The following RNF213 variants were observed in gnomAD, a reference collection of about 807,000 sequenced individuals.
The protein encoded by RNF213 is E3 ubiquitin-protein ligase RNF213.
Under a neutral mutation model 514.4 loss-of-function variants are expected in RNF213, and 341 were observed. That is an observed-to-expected ratio of 0.66 (90% CI 0.61 to 0.73). The LOEUF is 0.73. Among genes scored for constraint, RNF213 ranks in the 30% least tolerant of loss-of-function variants. The pLI is 0.00. For missense variants in RNF213, 5,767 were observed against 6,615.6 expected (o/e 0.87, Z 4.45); for synonymous variants, 2,655 against 2,658.2 (o/e 1.00, Z 0.04).
At chr17:80,295,491 A>G (rs2044902173) in intron 9 of RNF213, 66 bp from the exon 10 acceptor site, 1 of 1,604,186 alleles carries the variant, frequency 6.2e-7, no homozygotes, top group East Asian at 2.2e-5. Context: ...GTGCTGGGGC[A>G]GCTCTGGACA....
intron 61 of RNF213, 107 bp downstream of exon 61, chr17:80,385,728 T>C: frequency 1.1e-6 from 1 of 931,160 alleles, no homozygotes; most frequent in South Asian, 1.4e-5. Context: ...CAGCACTGTG[T>C]TTGTTTGTTT....
Position 80,393,576 on chromosome 17 carries a change from T to G in RNF213, c.*78T>G, listed in dbSNP as rs1209889617. 4 of 1,487,572 alleles carry G rather than the reference T, an allele frequency of 2.7e-6. No individual in the cohort carries two copies. The African/African-American group carries it at 5.5e-5, about 21-fold the overall frequency. The allele number at this position is 1,487,572 out of a possible 1,614,324, so 92.1% of individuals were successfully genotyped here. ...CTCGTCTGCGGCGTGGACTTGATCATGGACTGGTGCCTTTGCATTCAGAAG... is the reference window on the plus strand; with the variant it reads ...CTCGTCTGCGGCGTGGACTTGATCAGGGACTGGTGCCTTTGCATTCAGAAG... On this transcript the variant is annotated 3_prime_UTR_variant, in exon 68 of 68. Coordinates refer to ENST00000582970, the MANE Select transcript of RNF213 (RefSeq NM_001256071.3).
chr17:80,346,312 A>G lies in RNF213; in HGVS notation c.7977A>G (p.Leu2659=), dbSNP rs1300065657. 1 of 1,614,072 alleles carries G rather than the reference A, an allele frequency of 6.2e-7. No individual in the cohort carries two copies. Among genetic ancestry groups the G allele is most frequent in the Non-Finnish European group, 8.5e-7 (1 of 1,180,038 alleles). The part of the protein sequence containing the change: ...RWFHEHSAML[L]AQLNAFLSKS... The stretch of plus-strand genomic sequence containing the variant: ...TCCACGAGCACAGCGCGATGCTCTT[A>G]GCGCAGCTGAATGCCTTTCTCTCCA... Residue 2659 remains leucine, a synonymous_variant, in exon 29 of 68, where the codon TTA becomes TTG. Coordinates refer to ENST00000582970, the MANE Select transcript of RNF213 (RefSeq NM_001256071.3). The surrounding 1 kb of genome is among the most constrained non-coding windows in gnomAD (Gnocchi z 8.1).
At chr17:80,291,488 G>A in intron 7 of RNF213, 140 bp from the exon 8 acceptor site, 1 of 830,252 alleles carries the variant, frequency 1.2e-6, no homozygotes, top group Non-Finnish European at 2.1e-6. Flanking sequence ...CTCCCATGGT[G>A]TTGGGATTTC....
At chr17:80,290,414 CGTGTGTGCGA>C (rs1179359671) in intron 6 of RNF213, among the ~76,000 whole-genome samples, 146 bp from the exon 7 acceptor site, 2 of 146,602 alleles carry the variant, frequency 1.4e-5, no homozygotes, top group South Asian at 2.2e-4. Flanking sequence ...TGTGTGTGTG[CGTGTGTGCGA>C]GTGTGCGCGT....
Position 80,288,380 on chromosome 17 carries a change from A to G in RNF213, c.810+17A>G. ...GCCTCTATGGTGAGTCATCCGGGAG[A>G]GATGGCCTGGGAGTGGCACTGAGCC... On this transcript the variant is annotated intron_variant, in intron 4 of 67. Transcript: ENST00000582970. The surrounding 1 kb of genome is among the most constrained non-coding windows in gnomAD (Gnocchi z 4.9). 3 of 1,610,668 alleles carry G rather than the reference A, an allele frequency of 1.9e-6. No individual in the cohort carries two copies. Among genetic ancestry groups the G allele is most frequent in the Non-Finnish European group, 1.7e-6 (2 of 1,179,822 alleles).
In RNF213 at chr17:80,394,837, CA is replaced by C. The variant is rs1180647005; in HGVS notation, c.*1340del. On this transcript the variant is annotated 3_prime_UTR_variant, in exon 68 of 68. Transcript: ENST00000582970. ...CCAGACTGCAGGCAGTAACTGACTT[CA>C]CACAGTCCCTGGCATTTAGTCATCT... 1.4e-4 allele frequency: 21 copies of C among 152,372 alleles called. No homozygotes were observed. The highest frequency in any genetic ancestry group is 5.1e-4 in the African/African-American group (21 of 41,550). 9.4% of individuals were successfully genotyped at this position (152,372 alleles called of 1,614,324 possible).
At chr17:80,338,218 A>G (rs1318408212) in intron 25 of RNF213, among the ~76,000 whole-genome samples, 2 of 152,168 alleles carry the variant, frequency 1.3e-5, no homozygotes, top group African/African-American at 4.8e-5. Flanking sequence ...CCCCTGGGTT[A>G]GCAGTCCCTC....
Position 80,295,725 on chromosome 17 carries a change from G to T in RNF213, c.1924G>T (p.Asp642Tyr). 8 of 1,614,176 alleles carry T rather than the reference G, an allele frequency of 5.0e-6. No homozygotes were observed. Among genetic ancestry groups the T allele is most frequent in the Non-Finnish European group, 6.8e-6 (8 of 1,180,034 alleles). The part of the protein sequence containing the change: ...KIELLLEGSL[D>Y]WLCHLLTSDA... ...TGAGCTTTTATTAGAAGGCAGCCTG[G>T]ACTGGTTGTGTCACCTCCTAACCTC... is the stretch of plus-strand genomic sequence containing the variant. Residue 642 changes from aspartate to tyrosine, a missense_variant, in exon 10 of 68, where the codon GAC (aspartate) becomes TAC (tyrosine). Coordinates refer to ENST00000582970, the MANE Select transcript of RNF213 (RefSeq NM_001256071.3).
At chr17:80,321,777 G>A (rs748177583) in intron 17 of RNF213, among the ~76,000 whole-genome samples, 9 of 151,492 alleles carry the variant, frequency 5.9e-5, no homozygotes, top group Non-Finnish European at 1.0e-4. Context: ...AGGCTGGAGT[G>A]CAGTGGCGTG....
chr17:80,299,870 A>G (rs1222646955), intron 11 of RNF213, among the ~76,000 whole-genome samples: 1 of 152,124 alleles, frequency 6.6e-6, no homozygotes, highest in African/African-American at 2.4e-5. Context: ...AGCTCCATCT[A>G]TGTTCCTGCA....
intron 23 of RNF213, chr17:80,336,712 T>C (rs1599049644): frequency 2.8e-6 from 1 of 354,790 alleles, no homozygotes; most frequent in Non-Finnish European, 5.5e-6. Context: ...TTATTTTCTA[T>C]AATTGATAGA....
intron 37 of RNF213, among the ~76,000 whole-genome samples, chr17:80,359,098 C>T (rs1599121736): frequency 6.6e-6 from 1 of 152,174 alleles, no homozygotes; most frequent in East Asian, 1.9e-4. Context: ...CCCCGTCCCT[C>T]ATTCCCTGGT....
intron 14 of RNF213, among the ~76,000 whole-genome samples, chr17:80,311,479 G>A (rs1245381482): frequency 1.3e-5 from 2 of 152,198 alleles, no homozygotes; most frequent in Non-Finnish European, 2.9e-5. Context: ...TTCGTTTTCT[G>A]TCGGCCCCCG....
rs1339886875 is a variant in RNF213, at chr17:80,332,031, ACACT to A, written c.3547_3550del (p.Ser1183LysfsTer8). The stretch of plus-strand genomic sequence containing the variant: ...TGGACTTTGGAGTGCTTGCAGTAAG[ACACT>A]CACAAGACCTCAGCAGTAAAAGATT... On this transcript the variant is annotated frameshift_variant, in exon 21 of 68. Coordinates refer to ENST00000582970, the MANE Select transcript of RNF213 (RefSeq NM_001256071.3). LOFTEE classifies it high-confidence loss of function. 1.3e-6 allele frequency: 2 copies of A among 1,536,658 alleles called. No homozygotes were observed. Among genetic ancestry groups the A allele is most frequent in the East Asian group, 2.4e-5 (1 of 40,930 alleles).
chr17:80,287,997 C>G lies in RNF213; in HGVS notation c.444C>G (p.Ser148Arg), dbSNP rs965443705. The G allele has an allele frequency of 1.9e-6, 3 of 1,586,752 alleles. No individual in the cohort carries two copies. Among genetic ancestry groups the G allele is most frequent in the Non-Finnish European group, 2.6e-6 (3 of 1,166,872 alleles). The change falls in exon 4 of 68, where the codon AGC (serine) becomes AGG (arginine). Residue 148 changes from serine to arginine, a missense_variant. Physicochemically the swap from Ser to Arg is moderately radical, Grantham distance 110. Coordinates refer to ENST00000582970, the MANE Select transcript of RNF213 (RefSeq NM_001256071.3). Reference sequence around the variant, plus strand: ...AGAGTGGCCCCACTGGCCAGCCGAGCCAGCCCCCAGGCACAGCCACCACGC... The same window carrying G: ...AGAGTGGCCCCACTGGCCAGCCGAGGCAGCCCCCAGGCACAGCCACCACGC... ...AQQSGPTGQP[S>R]QPPGTATTPL... is the part of the protein sequence containing the mutation.
rs139646733 is a variant in RNF213 at position 80,379,853 on chromosome 17, T to G, written c.13640+139T>G. 2.1e-4 allele frequency: 159 copies of G among 747,624 alleles called. No homozygotes were observed. The African/African-American group carries it at 2.5e-3, about 12-fold the overall frequency. The allele number at this position is 747,624 out of a possible 1,614,324, so 46.3% of individuals were successfully genotyped here. On this transcript the variant is annotated intron_variant, in intron 55 of 67. Coordinates refer to ENST00000582970, the MANE Select transcript of RNF213 (RefSeq NM_001256071.3). Reference sequence around the variant, plus strand: ...GGGCCTGTGTCATATTGAATAGCAATGCCAAAGTCCCAGCAGTCACACAGC... The same window carrying G: ...GGGCCTGTGTCATATTGAATAGCAAGGCCAAAGTCCCAGCAGTCACACAGC...
intron 11 of RNF213, among the ~76,000 whole-genome samples, chr17:80,300,052 G>A (rs982442173): frequency 5.3e-5 from 8 of 152,154 alleles, no homozygotes; most frequent in Admixed American, 1.3e-4. Context: ...ATAATAGAAC[G>A]ATTTATATTG....
intron 57 of RNF213, 124 bp from the exon 58 acceptor site, chr17:80,382,850 ATTAAT>A: frequency 1.5e-6 from 1 of 687,954 alleles, no homozygotes; most frequent in Admixed American, 2.2e-5. Flanking sequence ...AAATACTTAG[ATTAAT>A]TTAGAAAGCT....
Sources: allele counts gnomAD v4.1 joint callset (sites outside exome capture counted in the v4.1 genomes callset), GRCh38; gene constraint gnomAD v4.1.1; non-coding constraint Gnocchi (gnomAD v3.1); transcripts MANE v1.5; gene names NCBI Gene and HGNC (gene_info 2026-07-23, HGNC 2026-07-21).